The following SRPK2 variants were observed in gnomAD, a reference collection of about 807,000 sequenced individuals.
SRPK2 encodes the protein SRSF protein kinase 2.
Under a neutral mutation model 90.8 loss-of-function variants are expected in SRPK2, and 21 were observed. The observed-to-expected ratio is 0.23, with a 90% confidence interval of 0.16 to 0.33. The LOEUF (loss-of-function observed/expected upper bound fraction) is 0.33, where lower values mean the gene tolerates loss of function less well. Among genes scored for constraint, SRPK2 ranks in the 10% least tolerant of loss-of-function variants. The pLI is 1.00. For synonymous variants in SRPK2, 288 were observed against 311.1 expected, an observed-to-expected ratio of 0.93 and a Z score of 0.78; for missense variants, 620 against 869.0, an observed-to-expected ratio of 0.71 and a Z score of 3.60.
chr7:105,152,753 C>T (rs550646110), intron 7 of SRPK2, among the ~76,000 whole-genome samples: 5 of 152,098 alleles, frequency 3.3e-5, no homozygotes, highest in African/African-American at 7.2e-5. Context: ...AACCTTAATA[C>T]GGCTGGGCGC....
intron 8 of SRPK2, 122 bp from the exon 9 acceptor site, chr7:105,145,430 TATTA>T (rs1234495791): frequency 1.0e-4 from 61 of 603,754 alleles, no homozygotes; most frequent in Non-Finnish European, 1.0e-4. Flanking sequence ...CTTCAAAAAC[TATTA>T]ATCAGAGCTT....
chr7:105,302,059 C>T (rs995705133), intron 2 of SRPK2: 2 of 1,562,586 alleles, frequency 1.3e-6, no homozygotes, highest in Non-Finnish European at 1.8e-6. Context: ...AGCATTTAAG[C>T]AAAACTGGCT....
chr7:105,199,024 C>A (rs568056522), intron 3 of SRPK2, among the ~76,000 whole-genome samples: 1 of 152,296 alleles, frequency 6.6e-6, no homozygotes, highest in Non-Finnish European at 1.5e-5. Flanking sequence ...TACACAAGAG[C>A]AATGAACAAT....
chr7:105,175,710 T>C lies in SRPK2; in HGVS notation c.230-6445A>G, dbSNP rs76974690. Reference sequence around the variant, plus strand: ...AATGTCACTATGTATTTTTGAGGTATTAAAAAGATAGAAGGGAATATTATC... The same window carrying C: ...AATGTCACTATGTATTTTTGAGGTACTAAAAAGATAGAAGGGAATATTATC... On this transcript the variant is annotated intron_variant, in intron 3 of 15. Coordinates refer to ENST00000393651, the MANE Select transcript of SRPK2 (RefSeq NM_182692.3). 6.5e-3 allele frequency among the ~76,000 whole-genome samples: 996 copies of C among 152,136 alleles called. 5 individuals carry two copies. The highest frequency in any genetic ancestry group is 0.011 in the Non-Finnish European group (760 of 67,990).
chr7:105,170,847 GAAAGAAAGAAAGA>G (rs1790808244), intron 3 of SRPK2, among the ~76,000 whole-genome samples: 2 of 14,036 alleles, frequency 1.4e-4, no homozygotes, highest in Non-Finnish European at 3.5e-4. Flanking sequence ...AAGAAAGAAA[GAAAGAAAGAAAGA>G]AAGAAAGAAA....
chr7:105,334,447 C>T (rs1308756762), intron 2 of SRPK2, among the ~76,000 whole-genome samples: 2 of 149,328 alleles, frequency 1.3e-5, no homozygotes, highest in Non-Finnish European at 3.0e-5. Flanking sequence ...TGGTCTCGAA[C>T]TCCGACCTCA....
intron 3 of SRPK2, among the ~76,000 whole-genome samples, chr7:105,190,363 AAC>A (rs1794125944): frequency 6.6e-6 from 1 of 152,192 alleles, no homozygotes; most frequent in Non-Finnish European, 1.5e-5. Context: ...GGTCAAAATG[AAC>A]ACATATCTTG....
intron 2 of SRPK2, among the ~76,000 whole-genome samples, chr7:105,365,487 CAAAAAA>C (rs374198950): frequency 5.2e-4 from 36 of 69,672 alleles, no homozygotes; most frequent in African/African-American, 1.7e-3. Flanking sequence ...AATTCTGTCT[CAAAAAA>C]AAAAAAAAAA....
At chr7:105,348,232 C>T (rs980850706) in intron 2 of SRPK2, among the ~76,000 whole-genome samples, 6 of 151,328 alleles carry the variant, frequency 4.0e-5, no homozygotes, top group Admixed American at 2.0e-4. Flanking sequence ...CCACCACGCC[C>T]GGCCAATTCT....
At chr7:105,306,555 A>G (rs773888256) in intron 2 of SRPK2, 8 of 443,174 alleles carry the variant, frequency 1.8e-5, no homozygotes, top group South Asian at 1.2e-4. Context: ...CCCTTGAAGC[A>G]GCAGGATGTA....
At position 105,198,446 on chromosome 7, in the gene SRPK2, T is replaced by A. The variant is rs140346389; in HGVS notation, c.229+5182A>T. 5.2e-4 allele frequency among the ~76,000 whole-genome samples: 79 copies of A among 152,298 alleles called. No homozygotes were observed. The East Asian group carries it at 0.015, about 29-fold the overall frequency. On this transcript the variant is annotated intron_variant, in intron 3 of 15. Coordinates refer to ENST00000393651, the MANE Select transcript of SRPK2 (RefSeq NM_182692.3). ...CCCTGATCTTGGTAATCCCCAGGGCTTGGAAGCAGAATCTGAATAAACTGC... is the reference window on the plus strand; with the variant it reads ...CCCTGATCTTGGTAATCCCCAGGGCATGGAAGCAGAATCTGAATAAACTGC...
chr7:105,218,211 G>A (rs1797694501), intron 2 of SRPK2, among the ~76,000 whole-genome samples: 1 of 152,194 alleles, frequency 6.6e-6, no homozygotes, highest in African/African-American at 2.4e-5. Context: ...ACACCCTGGG[G>A]TGAAGAATTT....
At chr7:105,388,422 G>C (rs960730048) in intron 2 of SRPK2, among the ~76,000 whole-genome samples, 36 of 148,428 alleles carry the variant, frequency 2.4e-4, no homozygotes, top group Non-Finnish European at 3.9e-4. Context: ...GAGGTCGCGG[G>C]GTCGAGGCTC....
chr7:105,289,956 A>C (rs1171075360), intron 2 of SRPK2, among the ~76,000 whole-genome samples: 1 of 151,994 alleles, frequency 6.6e-6, no homozygotes, highest in African/African-American at 2.4e-5. Context: ...TGTCGCAGGA[A>C]GTAGGAAGGC....
At chr7:105,214,908 C>G (rs775371242) in intron 2 of SRPK2, among the ~76,000 whole-genome samples, 2 of 152,126 alleles carry the variant, frequency 1.3e-5, no homozygotes, top group Non-Finnish European at 2.9e-5. Flanking sequence ...AAGAAAAACA[C>G]AAAACTGGGG....
intron 2 of SRPK2, among the ~76,000 whole-genome samples, chr7:105,363,984 T>C (rs181035595): frequency 1.1e-3 from 152 of 139,856 alleles, no homozygotes; most frequent in Non-Finnish European, 1.9e-3. Context: ...AGCCGGACAA[T>C]GAGAACACAT....
intron 2 of SRPK2, among the ~76,000 whole-genome samples, chr7:105,345,079 T>G (rs140599186): frequency 0.038 from 5,705 of 150,510 alleles, 148 homozygotes; most frequent in Admixed American, 0.057. Context: ...GAGGTTACAG[T>G]GAGCCAAGAT....
intron 6 of SRPK2, among the ~76,000 whole-genome samples, chr7:105,165,270 A>C (rs1563015106): frequency 6.6e-6 from 1 of 152,174 alleles, no homozygotes; most frequent in Non-Finnish European, 1.5e-5. Flanking sequence ...GCATCCACAT[A>C]ACTTAGTAGC....
chr7:105,176,672 T>C (rs1791947612), intron 3 of SRPK2, among the ~76,000 whole-genome samples: 1 of 150,222 alleles, frequency 6.7e-6, no homozygotes, highest in African/African-American at 2.5e-5. Flanking sequence ...TATATATAGA[T>C]GTATGCATGT....
Sources: gnomAD v4.1 joint callset for allele counts (sites outside exome capture counted in the v4.1 genomes callset) on GRCh38, gnomAD v4.1.1 for gene constraint, MANE v1.5 for transcripts, NCBI Gene and HGNC (gene_info 2026-07-23, HGNC 2026-07-21) for gene names.